The following PDGFD variants were observed in gnomAD, a reference collection of about 807,000 sequenced individuals.
PDGFD encodes platelet derived growth factor D.
PDGFD carries 30 observed loss-of-function variants against 44.7 expected under a neutral mutation model. The ratio of observed to expected loss-of-function variants is 0.67; its 90% CI spans 0.50 to 0.91. The LOEUF (loss-of-function observed/expected upper bound fraction) is 0.91. Among genes scored for constraint, PDGFD ranks in the 40% least tolerant of loss-of-function variants. The pLI is 0.00. For synonymous variants in PDGFD, 173 were observed against 168.4 expected (o/e 1.03, Z -0.21); for missense variants, 445 against 457.8 (o/e 0.97, Z 0.25).
At chr11:103,955,205 A>C (rs868347127) in intron 3 of PDGFD, among the ~76,000 whole-genome samples, 397 of 133,258 alleles carry the variant, frequency 3.0e-3, no homozygotes, top group Middle Eastern at 0.012. Flanking sequence ...AAAAAAAAAA[A>C]AAAACAGTAA....
intron 1 of PDGFD, among the ~76,000 whole-genome samples, chr11:104,099,446 C>T (rs1861336089): frequency 1.3e-5 from 2 of 151,876 alleles, no homozygotes; most frequent in Non-Finnish European, 2.9e-5. Flanking sequence ...ACTAGACCAG[C>T]CTGGGCAACA....
rs530315284 is a variant in PDGFD, at chr11:104,054,821, G to A, written c.125-54566C>T. On this transcript the variant is annotated intron_variant, in intron 1 of 6. Coordinates refer to ENST00000393158, the MANE Select transcript of PDGFD (RefSeq NM_025208.5). Reference sequence around the variant, plus strand: ...TGTAAAAGGAAACAGGCTAGAGATAGGGGAGACAGTAATGGTGCCAGGGTA... The same window carrying A: ...TGTAAAAGGAAACAGGCTAGAGATAAGGGAGACAGTAATGGTGCCAGGGTA... 2.0e-5 allele frequency among the ~76,000 whole-genome samples: 3 copies of A among 152,326 alleles called. No individual in the cohort carries two copies. The East Asian group carries it at 5.8e-4, about 29-fold the overall frequency.
At chr11:104,037,291 C>G in intron 1 of PDGFD, 2 of 1,613,132 alleles carry the variant, frequency 1.2e-6, no homozygotes, top group Non-Finnish European at 1.7e-6. Context: ...CCCCCACGAT[C>G]TGTCCCTGCT....
intron 1 of PDGFD, among the ~76,000 whole-genome samples, chr11:104,105,179 G>A (rs533250724): frequency 3.3e-5 from 5 of 152,252 alleles, no homozygotes; most frequent in Admixed American, 6.5e-5. Context: ...GGATCACACA[G>A]AGGTAACAGC....
chr11:104,134,043 T>A (rs867506652), intron 1 of PDGFD, among the ~76,000 whole-genome samples: 7 of 152,196 alleles, frequency 4.6e-5, no homozygotes, highest in African/African-American at 1.7e-4. Flanking sequence ...TTTAGTAGCA[T>A]TAATCATTCC....
At chr11:104,003,927 G>A (rs1185540716) in intron 1 of PDGFD, among the ~76,000 whole-genome samples, 1 of 152,150 alleles carries the variant, frequency 6.6e-6, no homozygotes, top group African/African-American at 2.4e-5. Flanking sequence ...TGTAAGTCAG[G>A]CTGCCCAGAA....
chr11:104,028,049 G>C (rs191145538), intron 1 of PDGFD, among the ~76,000 whole-genome samples: 1 of 151,990 alleles, frequency 6.6e-6, no homozygotes, highest in African/African-American at 2.4e-5. Flanking sequence ...AATTAGCCGG[G>C]CATGGTGACA....
chr11:104,028,839 T>C (rs1484597666), intron 1 of PDGFD, among the ~76,000 whole-genome samples: 3 of 151,810 alleles, frequency 2.0e-5, no homozygotes, highest in Admixed American at 6.6e-5. Context: ...GCCTGAGAGA[T>C]TTCAGTTCTA....
rs529333106 is a variant in PDGFD, at chr11:104,133,095, A to G, written c.124+30709T>C. Among the ~76,000 whole-genome samples, 9 of 152,234 alleles carry G rather than the reference A, an allele frequency of 5.9e-5. No homozygotes were observed. The South Asian group carries it at 1.2e-3, about 21-fold the overall frequency. On this transcript the variant is annotated intron_variant, in intron 1 of 6. Coordinates refer to ENST00000393158, the MANE Select transcript of PDGFD (RefSeq NM_025208.5). ...CAATGTCACTTCTGTTACACCTCAT[A>G]GGCTAGAATTAGTTATGAGGATTAA...
At chr11:104,011,817 T>TA (rs970653033) in intron 1 of PDGFD, among the ~76,000 whole-genome samples, 5 of 151,936 alleles carry the variant, frequency 3.3e-5, no homozygotes, top group African/African-American at 4.8e-5. Flanking sequence ...GTAAATATAC[T>TA]AAAAAAATGA....
chr11:104,106,222 A>C (rs1204496405), intron 1 of PDGFD, among the ~76,000 whole-genome samples: 1 of 152,180 alleles, frequency 6.6e-6, no homozygotes, highest in Non-Finnish European at 1.5e-5. Context: ...AAGATGAGGT[A>C]ATTCCAATTT....
chr11:104,064,117 T>C (rs555098982), intron 1 of PDGFD, among the ~76,000 whole-genome samples: 3 of 152,206 alleles, frequency 2.0e-5, no homozygotes, highest in Non-Finnish European at 4.4e-5. Flanking sequence ...TCCAAAAATA[T>C]AACCTTCACT....
At chr11:104,002,088 C>T (rs760101771) in intron 1 of PDGFD, among the ~76,000 whole-genome samples, 4 of 152,184 alleles carry the variant, frequency 2.6e-5, no homozygotes, top group Non-Finnish European at 5.9e-5. Flanking sequence ...GTCATGGCAG[C>T]ACTTCCAACA....
chr11:103,910,815 G>C (rs1252293137), intron 6 of PDGFD, among the ~76,000 whole-genome samples: 2 of 152,206 alleles, frequency 1.3e-5, no homozygotes, highest in African/African-American at 4.8e-5. Context: ...AGCCCAGCTA[G>C]CTAAGATCCA....
chr11:103,916,655 AC>A (rs1352813790), intron 6 of PDGFD, among the ~76,000 whole-genome samples: 1 of 152,212 alleles, frequency 6.6e-6, no homozygotes, highest in African/African-American at 2.4e-5. Flanking sequence ...TTATTGCAGC[AC>A]TGATCACAAT....
intron 1 of PDGFD, among the ~76,000 whole-genome samples, chr11:104,156,440 T>C (rs1249206486): frequency 2.0e-5 from 3 of 152,222 alleles, no homozygotes; most frequent in East Asian, 1.9e-4. Context: ...CTTACTTTTA[T>C]AGACAAAGCA....
At chr11:104,054,023 T>A (rs1026729208) in intron 1 of PDGFD, among the ~76,000 whole-genome samples, 1 of 152,138 alleles carries the variant, frequency 6.6e-6, no homozygotes, top group Non-Finnish European at 1.5e-5. Context: ...TTTCCCAAGA[T>A]AAACTTGCTG....
chr11:103,916,578 C>T (rs957327790), intron 6 of PDGFD, among the ~76,000 whole-genome samples: 1 of 152,150 alleles, frequency 6.6e-6, no homozygotes. Context: ...CCCAGCAATC[C>T]CATTACTGAG....
intron 3 of PDGFD, among the ~76,000 whole-genome samples, chr11:103,967,365 T>C (rs1411979283): frequency 6.6e-6 from 1 of 152,200 alleles, no homozygotes; most frequent in Non-Finnish European, 1.5e-5. Context: ...GCCCTTTGAA[T>C]CTTTGAACTC....
Sources: gnomAD v4.1 joint callset for allele counts (sites outside exome capture counted in the v4.1 genomes callset) on GRCh38, gnomAD v4.1.1 for gene constraint, MANE v1.5 for transcripts, NCBI Gene and HGNC (gene_info 2026-07-23, HGNC 2026-07-21) for gene names.